SHISAL2B: variants seen among roughly 807,000 people sequenced by gnomAD.
SHISAL2B encodes protein shisa-like-2B.
In SHISAL2B, 12 loss-of-function variants were observed where a neutral mutation model predicts 16.5. That is an observed-to-expected ratio of 0.73 (90% CI 0.47 to 1.18). The LOEUF is 1.18. Ranked by LOEUF, SHISAL2B falls within the 50% of genes most tolerant of loss-of-function variation. The probability of loss-of-function intolerance (pLI) is 0.00; values close to 1 mark genes in which losing one functional copy is unlikely to be tolerated. For synonymous variants in SHISAL2B, 72 were observed against 75.0 expected (o/e 0.96, Z 0.21); for missense variants, 183 against 193.6 (o/e 0.95, Z 0.33).
intron 2 of SHISAL2B, among the ~76,000 whole-genome samples, chr5:64,710,358 G>A (rs13171942): frequency 0.12 from 10,185 of 85,770 alleles, 518 homozygotes; most frequent in East Asian, 0.25. Flanking sequence ...GGTATGCGGC[G>A]TTATTTCTGA....
chr5:64,716,439 C>G (rs780538683), intron 2 of SHISAL2B, among the ~76,000 whole-genome samples: 94 of 151,976 alleles, frequency 6.2e-4, no homozygotes, highest in Non-Finnish European at 1.2e-3. Context: ...GAATGTGGTA[C>G]TTAAATTTTA....
At chr5:64,694,287 G>A in intron 1 of SHISAL2B, 1 of 308,916 alleles carries the variant, frequency 3.2e-6, no homozygotes, top group South Asian at 2.8e-5. Context: ...AAATAAGTGT[G>A]TACAACACTA....
At chr5:64,695,259 C>T (rs879554388) in intron 1 of SHISAL2B, among the ~76,000 whole-genome samples, 37 of 100,782 alleles carry the variant, frequency 3.7e-4, no homozygotes, top group Middle Eastern at 8.3e-3. Flanking sequence ...AGTGAGACAC[C>T]ATCTCAAAAA....
At chr5:64,709,917 T>C (rs1258651841) in intron 2 of SHISAL2B, among the ~76,000 whole-genome samples, 10,018 of 151,632 alleles carry the variant, frequency 0.066, 1,072 homozygotes, top group African/African-American at 0.23. Context: ...TTTGAGTTCA[T>C]TGTAGATTCT....
At chr5:64,716,229 G>T (rs1742048731) in intron 2 of SHISAL2B, among the ~76,000 whole-genome samples, 1 of 152,150 alleles carries the variant, frequency 6.6e-6, no homozygotes, top group African/African-American at 2.4e-5. Flanking sequence ...TGATATGTAA[G>T]ATCTTTACAT....
chr5:64,703,678 G>T (rs1202569653), intron 2 of SHISAL2B, among the ~76,000 whole-genome samples: 5 of 152,066 alleles, frequency 3.3e-5, no homozygotes, highest in African/African-American at 1.2e-4. Context: ...ATGGTTGGAA[G>T]AATTTAACAA....
chr5:64,713,148 A>G lies in SHISAL2B; in HGVS notation c.350-4741A>G, dbSNP rs1237633357. Among the ~76,000 whole-genome samples, 32 of 137,804 alleles carry G rather than the reference A, an allele frequency of 2.3e-4. No individual in the cohort carries two copies. In the East Asian group the frequency reaches 2.8e-3, roughly 12 times the overall value. 90.4% of individuals were successfully genotyped at this position (137,804 alleles called of 152,430 possible). A position where few individuals can be genotyped will look rare whatever the true frequency, so the allele number is the denominator to read the frequency against. On this transcript the variant is annotated intron_variant, in intron 2 of 2. Transcript: ENST00000389074. ...TCTTCCTAGTCTCGATGGTCTTTACATTTTGGCATGATTTTGCAGCGGCTG... is the reference window on the plus strand; with the variant it reads ...TCTTCCTAGTCTCGATGGTCTTTACGTTTTGGCATGATTTTGCAGCGGCTG...
chr5:64,710,913 CT>C (rs1741948845), intron 2 of SHISAL2B, among the ~76,000 whole-genome samples: 1 of 122,708 alleles, frequency 8.1e-6, no homozygotes, highest in Non-Finnish European at 1.6e-5. Context: ...GCTGAAGTTG[CT>C]TATCAGCTTA....
intron 2 of SHISAL2B, among the ~76,000 whole-genome samples, chr5:64,699,654 G>A (rs1043608013): frequency 7.9e-5 from 12 of 152,274 alleles, no homozygotes; most frequent in Middle Eastern, 3.4e-3. Flanking sequence ...AATATTTTAG[G>A]TTAATTTTTA....
chr5:64,714,934 A>G (rs1228999645), intron 2 of SHISAL2B, among the ~76,000 whole-genome samples: 3 of 152,096 alleles, frequency 2.0e-5, no homozygotes, highest in Admixed American at 6.5e-5. Flanking sequence ...GCCTGCGCCC[A>G]CTGTCTGGCA....
chr5:64,693,452 T>C (rs754857267), intron 1 of SHISAL2B, among the ~76,000 whole-genome samples: 32 of 152,222 alleles, frequency 2.1e-4, no homozygotes, highest in Non-Finnish European at 2.9e-4. Context: ...TTATAATTTG[T>C]AGATTGAAAG....
intron 2 of SHISAL2B, among the ~76,000 whole-genome samples, chr5:64,701,400 C>A (rs1051939813): frequency 6.6e-6 from 1 of 152,124 alleles, no homozygotes. Context: ...AATTTGACTG[C>A]ATAATATAAT....
At chr5:64,710,359 T>G in intron 2 of SHISAL2B, among the ~76,000 whole-genome samples, 1 of 99,904 alleles carries the variant, frequency 1.0e-5, no homozygotes, top group Non-Finnish European at 1.9e-5. Flanking sequence ...GTATGCGGCG[T>G]TATTTCTGAG....
chr5:64,690,631 A>G lies in SHISAL2B; in HGVS notation c.8A>G (p.Glu3Gly). MS[E>G]ASRLCSGYYS... ...TCCCGGCCCCTGCCCGCGATGAGCGAGGCCAGCCGACTGTGCTCCGGCTAC... is the reference window on the plus strand; with the variant it reads ...TCCCGGCCCCTGCCCGCGATGAGCGGGGCCAGCCGACTGTGCTCCGGCTAC... Residue 3 changes from glutamate to glycine, a missense_variant, in exon 1 of 3, where the codon GAG (glutamate) becomes GGG (glycine). Physicochemically the swap from Glu to Gly is moderately conservative, Grantham distance 98 (BLOSUM62 -2). Transcript: ENST00000389074. 1 of 1,494,368 alleles carries G rather than the reference A, an allele frequency of 6.7e-7. No homozygotes were observed. The highest frequency in any genetic ancestry group is 1.3e-5 in the South Asian group (1 of 79,656). The allele number at this position is 1,494,368 out of a possible 1,614,324, so 92.6% of individuals were successfully genotyped here. A position where few individuals can be genotyped will look rare whatever the true frequency, so the allele number is the denominator to read the frequency against.
At chr5:64,716,529 A>G (rs989641490) in intron 2 of SHISAL2B, among the ~76,000 whole-genome samples, 1 of 152,190 alleles carries the variant, frequency 6.6e-6, no homozygotes, top group African/African-American at 2.4e-5. Flanking sequence ...GGGGGGAGAA[A>G]TGGAGGACAG....
At chr5:64,714,285 T>G (rs1424924334) in intron 2 of SHISAL2B, among the ~76,000 whole-genome samples, 1 of 140,500 alleles carries the variant, frequency 7.1e-6, no homozygotes, top group East Asian at 2.1e-4. Context: ...GCAGGTCTGT[T>G]GGAATACCCT....
chr5:64,699,797 T>C (rs910664328), intron 2 of SHISAL2B, among the ~76,000 whole-genome samples: 17 of 152,344 alleles, frequency 1.1e-4, no homozygotes, highest in Non-Finnish European at 2.1e-4. Flanking sequence ...ACTAGTCTAA[T>C]ATTAGACTAT....
intron 2 of SHISAL2B, among the ~76,000 whole-genome samples, chr5:64,696,534 C>T (rs1002866473): frequency 6.6e-6 from 1 of 152,106 alleles, no homozygotes; most frequent in Non-Finnish European, 1.5e-5. Flanking sequence ...GAATTCTTTT[C>T]CTGGCAAGGA....
intron 2 of SHISAL2B, among the ~76,000 whole-genome samples, chr5:64,696,518 C>G (rs1472710299): frequency 6.6e-6 from 1 of 152,128 alleles, no homozygotes; most frequent in Admixed American, 6.5e-5. Context: ...TAGGGAAGAT[C>G]TCACTGAATT....
Sources: allele counts gnomAD v4.1 joint callset (sites outside exome capture counted in the v4.1 genomes callset), GRCh38; gene constraint gnomAD v4.1.1; transcripts MANE v1.5; gene names NCBI Gene and HGNC (gene_info 2026-07-23, HGNC 2026-07-21).